KIF17: variants seen among roughly 807,000 people sequenced by gnomAD.
KIF17 encodes the protein kinesin-like protein KIF17.
Under a neutral mutation model 96.8 loss-of-function variants are expected in KIF17, and 80 were observed. That is an observed-to-expected ratio of 0.83 (90% CI 0.69 to 1.00). The LOEUF (loss-of-function observed/expected upper bound fraction) is 1.00. Ranked by LOEUF, KIF17 falls within the 50% of genes least tolerant of loss-of-function variation. The pLI, the probability that KIF17 is intolerant of heterozygous loss-of-function variation, is 0.00. For missense variants in KIF17, 1,280 were observed against 1,372.9 expected (o/e 0.93, Z 1.07); for synonymous variants, 567 against 587.5 (o/e 0.97, Z 0.51).
rs535692110 is a variant in KIF17, at chr1:20,687,029, A to T, written c.1938+359T>A. On this transcript the variant is annotated intron_variant, in intron 8 of 14. Transcript: ENST00000400463. This position sits in a 1 kb window ranked among gnomAD's most constrained non-coding sequence, Gnocchi z 4.4. ...TCACTACAGAGCTCACGAGCCAGTG[A>T]GCGTCGCCCAGGGCTCCGTCAGGCC... 1.3e-5 allele frequency among the ~76,000 whole-genome samples: 2 copies of T among 152,108 alleles called. No homozygotes were observed. Among genetic ancestry groups the T allele is most frequent in the African/African-American group, 4.8e-5 (2 of 41,506 alleles).
intron 1 of KIF17, among the ~76,000 whole-genome samples, chr1:20,716,241 C>CA (rs71585780): frequency 0.22 from 24,521 of 111,602 alleles, 2,725 homozygotes; most frequent in African/African-American, 0.33. Context: ...GACTCCGTCT[C>CA]AAAAAAAAAA....
chr1:20,708,804 A>G (rs116072088), intron 4 of KIF17, among the ~76,000 whole-genome samples: 3,601 of 152,310 alleles, frequency 0.024, 74 homozygotes, highest in Non-Finnish European at 0.035. Context: ...CAGATGGCCA[A>G]TGGGGCCCCC....
At chr1:20,701,571 C>T (rs537893919) in intron 5 of KIF17, among the ~76,000 whole-genome samples, 2 of 152,270 alleles carry the variant, frequency 1.3e-5, no homozygotes, top group East Asian at 3.9e-4. Flanking sequence ...CAGCAGAGGA[C>T]CAGCCTGGGA....
In KIF17 at chr1:20,709,076, G is replaced by A. The variant is rs1331910161; in HGVS notation, c.670+563C>T. Among the ~76,000 whole-genome samples, 1 of 152,200 alleles carries A rather than the reference G, an allele frequency of 6.6e-6. No homozygotes were observed. Among genetic ancestry groups the A allele is most frequent in the Non-Finnish European group, 1.5e-5 (1 of 68,042 alleles). On this transcript the variant is annotated intron_variant, in intron 4 of 14. Coordinates refer to ENST00000400463, the MANE Select transcript of KIF17 (RefSeq NM_001122819.3). This position sits in a 1 kb window ranked among gnomAD's most constrained non-coding sequence, Gnocchi z 4.7. ...CCTCATGGGAGTGCTGTAGGAGTAAGTGAGATAATGCACACACATTGCCTG... is the reference window on the plus strand; with the variant it reads ...CCTCATGGGAGTGCTGTAGGAGTAAATGAGATAATGCACACACATTGCCTG...
intron 11 of KIF17, among the ~76,000 whole-genome samples, chr1:20,681,009 C>T: frequency 6.6e-6 from 1 of 150,674 alleles, no homozygotes. Flanking sequence ...GCCTGTAGTC[C>T]CAGCTACTCG....
At chr1:20,692,081 T>C (rs1381062243) in intron 6 of KIF17, among the ~76,000 whole-genome samples, 1 of 152,196 alleles carries the variant, frequency 6.6e-6, no homozygotes, top group Non-Finnish European at 1.5e-5. Context: ...TGGTATCCCA[T>C]GTTCATGGAT....
chr1:20,674,575 C>CTTTTTT (rs34777403), intron 11 of KIF17, among the ~76,000 whole-genome samples: 2 of 142,298 alleles, frequency 1.4e-5, no homozygotes, highest in Non-Finnish European at 3.1e-5. Flanking sequence ...ATTTATCCCT[C>CTTTTTT]TTTTTTTTTT....
At chr1:20,711,406 C>T (rs2054434175) in intron 3 of KIF17, among the ~76,000 whole-genome samples, 1 of 152,190 alleles carries the variant, frequency 6.6e-6, no homozygotes, top group Non-Finnish European at 1.5e-5. Context: ...TGGGGAGGCG[C>T]TGAGTGACAG....
chr1:20,708,789 C>A (rs922415499), intron 4 of KIF17, among the ~76,000 whole-genome samples: 2 of 152,158 alleles, frequency 1.3e-5, no homozygotes, highest in Non-Finnish European at 2.9e-5. Context: ...AAGGGTTTGG[C>A]ACTGCAGATG....
chr1:20,701,225 A>C (rs2054229811), intron 5 of KIF17, among the ~76,000 whole-genome samples: 1 of 152,044 alleles, frequency 6.6e-6, no homozygotes, highest in South Asian at 2.1e-4. Context: ...CGAGGTCCTG[A>C]TTGAGACCAT....
intron 5 of KIF17, among the ~76,000 whole-genome samples, chr1:20,702,244 A>G (rs1338305402): frequency 6.6e-6 from 1 of 152,136 alleles, no homozygotes; most frequent in African/African-American, 2.4e-5. Context: ...AGCTGGTGAT[A>G]ACTGCTCAGT....
chr1:20,687,481 C>G lies in KIF17; in HGVS notation c.1845G>C (p.Pro615=), dbSNP rs142165761. ...PLQGLLGLQD[P]FAEVEAKLAR... ...CCAGCTTGGCTTCCACCTCGGCAAA[C>G]GGGTCCTGCAGGCCTAGTAACCCCT... is the stretch of plus-strand genomic sequence containing the variant. Residue 615 remains proline, a synonymous_variant, in exon 8 of 15, where the codon CCG becomes CCC. Transcript: ENST00000400463. The surrounding 1 kb of genome is among the most constrained non-coding windows in gnomAD (Gnocchi z 4.4). The G allele has an allele frequency of 6.8e-6, 11 of 1,613,926 alleles. No individual in the cohort carries two copies. Among genetic ancestry groups the G allele is most frequent in the Non-Finnish European group, 9.3e-6 (11 of 1,179,958 alleles).
At chr1:20,676,431 A>C (rs2053738019) in intron 11 of KIF17, among the ~76,000 whole-genome samples, 1 of 152,244 alleles carries the variant, frequency 6.6e-6, no homozygotes. Context: ...CAAACATGCT[A>C]ATAGAGAAAT....
At chr1:20,690,362 C>T (rs763216126) in intron 6 of KIF17, 27 bp from the exon 7 acceptor site, 33 of 1,584,642 alleles carry the variant, frequency 2.1e-5, no homozygotes, top group Non-Finnish European at 1.7e-6. Context: ...GACCAGAGGG[C>T]AGGCAGCATT....
rs749583845 is a variant in KIF17, at chr1:20,717,602, G to A, written c.105C>T (p.Ala35=). 52 of 1,610,650 alleles carry A rather than the reference G, an allele frequency of 3.2e-5. No individual in the cohort carries two copies. The highest frequency in any genetic ancestry group is 1.2e-5 in the Non-Finnish European group (14 of 1,179,456). The change falls in exon 1 of 15, where the codon GCC becomes GCT. Residue 35 remains alanine, a synonymous_variant. Coordinates refer to ENST00000400463, the MANE Select transcript of KIF17 (RefSeq NM_001122819.3). ...QPVVTVDCAR[A]QCCIQNPGAA... Reference sequence around the variant, plus strand: ...CGCCCGGGTTCTGGATGCAGCACTGGGCGCGCGCGCAGTCCACAGTCACCA... The same window carrying A: ...CGCCCGGGTTCTGGATGCAGCACTGAGCGCGCGCGCAGTCCACAGTCACCA...
At chr1:20,679,369 A>G (rs944656073) in intron 11 of KIF17, among the ~76,000 whole-genome samples, 2 of 152,146 alleles carry the variant, frequency 1.3e-5, no homozygotes, top group Non-Finnish European at 1.5e-5. Flanking sequence ...AGTCCCAGCT[A>G]CTCAGGAGGC....
At chr1:20,678,054 G>A (rs1245409656) in intron 11 of KIF17, among the ~76,000 whole-genome samples, 1 of 152,208 alleles carries the variant, frequency 6.6e-6, no homozygotes, top group South Asian at 2.1e-4. Context: ...ACCCGACACT[G>A]GGTAATTTAT....
At position 20,717,449 on chromosome 1, in the gene KIF17, G is replaced by T. The variant is rs776818086; in HGVS notation, c.231+27C>A. 5 of 1,607,840 alleles carry T rather than the reference G, an allele frequency of 3.1e-6. No individual in the cohort carries two copies. In the South Asian group the frequency reaches 5.5e-5, roughly 18 times the overall value. On this transcript the variant is annotated intron_variant, in intron 1 of 14. Transcript: ENST00000400463. ...GGGGCGGCCTCATGCCCTGCCGCCT[G>T]CAGGGCGGCCTGCCGGGCGCCCTCA...
At chr1:20,662,956 G>A (rs539573796), downstream of KIF17, among the ~76,000 whole-genome samples, 1 of 152,278 alleles carries the variant, frequency 6.6e-6, no homozygotes, top group South Asian at 2.1e-4. Context: ...GACCAGGCGC[G>A]GTGGCTCACA....
Sources: gnomAD v4.1 joint callset for allele counts (sites outside exome capture counted in the v4.1 genomes callset) on GRCh38, gnomAD v4.1.1 for gene constraint, Gnocchi (gnomAD v3.1) non-coding constraint, MANE v1.5 for transcripts, NCBI Gene and HGNC (gene_info 2026-07-23, HGNC 2026-07-21) for gene names.